The following AGGF1 variants were observed in gnomAD, a reference collection of about 807,000 sequenced individuals.
AGGF1 encodes angiogenic factor with G-patch and FHA domains 1.
AGGF1 carries 56 observed loss-of-function variants against 86.5 expected under a neutral mutation model. The observed-to-expected ratio is 0.65, with a 90% CI of 0.52 to 0.81. AGGF1 has a LOEUF of 0.81. Among genes scored for constraint, AGGF1 ranks in the 30% least tolerant of loss-of-function variants. The pLI is 0.00. For synonymous variants in AGGF1, 313 were observed against 297.1 expected (o/e 1.05, Z -0.55); for missense variants, 816 against 850.9 (o/e 0.96, Z 0.51).
At position 77,046,552 on chromosome 5, in the gene AGGF1, A is replaced by T; in HGVS notation, c.1076A>T (p.Glu359Val). 1 of 1,613,860 alleles carries T rather than the reference A, an allele frequency of 6.2e-7. No individual in the cohort carries two copies. Residue 359 changes from glutamate to valine, a missense_variant, in exon 6 of 14, where the codon GAG (glutamate) becomes GTG (valine). Glu to Val is a moderately radical substitution (Grantham distance 121). Coordinates refer to ENST00000312916, the MANE Select transcript of AGGF1 (RefSeq NM_018046.5). ...NISNSTSFKD[E>V]KIMETDSEPE... Reference sequence around the variant, plus strand: ...TCTAATTCAACATCATTTAAAGATGAGAAAATCATGGAGACTGATAGTGAA... The same window carrying T: ...TCTAATTCAACATCATTTAAAGATGTGAAAATCATGGAGACTGATAGTGAA...
intron 9 of AGGF1, among the ~76,000 whole-genome samples, chr5:77,053,616 A>G (rs1232103235): frequency 1.3e-5 from 2 of 152,094 alleles, no homozygotes; most frequent in Non-Finnish European, 2.9e-5. Flanking sequence ...GAAAAGGGAG[A>G]TGTGATGCAT....
intron 12 of AGGF1, among the ~76,000 whole-genome samples, chr5:77,060,086 C>T (rs1021765635): frequency 1.3e-5 from 2 of 152,184 alleles, no homozygotes; most frequent in African/African-American, 4.8e-5. Flanking sequence ...TCATGATCCG[C>T]CCACCTTGGC....
At position 77,046,970 on chromosome 5, in the gene AGGF1, T is replaced by C. The variant is rs868013147; in HGVS notation, c.1201+293T>C. Among the ~76,000 whole-genome samples the C allele has an allele frequency of 3.3e-5, 5 of 152,338 alleles. No individual in the cohort carries two copies. The South Asian group carries it at 1.0e-3, about 32-fold the overall frequency. ...CTTAAAATATAGATTAAGGCTGTTT[T>C]AGTGGGTTAGATATTTGTAGTCTAC... On this transcript the variant is annotated intron_variant, in intron 6 of 13. Coordinates refer to ENST00000312916, the MANE Select transcript of AGGF1 (RefSeq NM_018046.5).
chr5:77,030,965 C>A lies in AGGF1; in HGVS notation c.199C>A (p.Leu67Ile). ...GAACGCAGAAAGCAACAACCAGGAG[C>A]TCCGCACGCAGGTGCGCGGTCCTCC... ...YQNAESNNQELRTQVEELSKI... is the reference protein window; with the variant it reads ...YQNAESNNQEIRTQVEELSKI... The change falls in exon 1 of 14, where the codon CTC becomes ATC. Residue 67 changes from leucine to isoleucine, a missense_variant. Physicochemically the swap from Leu to Ile is conservative, Grantham distance 5. This residue lies in a region of AGGF1 where 240 missense variants were observed against 234.4 expected (regional missense o/e 1.02). Coordinates refer to ENST00000312916, the MANE Select transcript of AGGF1 (RefSeq NM_018046.5). 1 of 1,612,258 alleles carries A rather than the reference C, an allele frequency of 6.2e-7. No individual in the cohort carries two copies. The highest frequency in any genetic ancestry group is 8.5e-7 in the Non-Finnish European group (1 of 1,179,964).
At chr5:77,032,251 G>GCAAAA (rs777510199) in intron 1 of AGGF1, among the ~76,000 whole-genome samples, 1 of 25,046 alleles carries the variant, frequency 4.0e-5, no homozygotes, top group Non-Finnish European at 1.0e-4. Context: ...TACAAATATG[G>GCAAAA]TAAAAAAAAA....
At chr5:77,056,697 CT>C (rs879312182) in intron 11 of AGGF1, among the ~76,000 whole-genome samples, 96 of 150,914 alleles carry the variant, frequency 6.4e-4, no homozygotes, top group Non-Finnish European at 8.7e-4. Context: ...CTTCTAGAAA[CT>C]TTTTTTTTAA....
chr5:77,044,883 T>C (rs907507018), intron 5 of AGGF1, among the ~76,000 whole-genome samples: 2 of 152,018 alleles, frequency 1.3e-5, no homozygotes, highest in Admixed American at 6.6e-5. Flanking sequence ...GCCAACATGG[T>C]GAAACCCCAT....
chr5:77,056,972 G>C (rs553749843), intron 11 of AGGF1, among the ~76,000 whole-genome samples: 66 of 151,132 alleles, frequency 4.4e-4, no homozygotes, highest in African/African-American at 1.5e-3. Flanking sequence ...CTTCACCAAA[G>C]AAGATATGCT....
chr5:77,035,569 C>T lies in AGGF1; in HGVS notation c.342C>T (p.Asp114=), dbSNP rs892690413. The T allele has an allele frequency of 2.4e-5, 38 of 1,612,956 alleles. No individual in the cohort carries two copies. Among genetic ancestry groups the T allele is most frequent in the Middle Eastern group, 1.7e-4 (1 of 5,984 alleles). ...SDYFYQTYYN[D]VSLPNKVTEL... is the part of the protein sequence containing the mutation. ...ATTTTTATCAGACGTACTACAATGA[C>T]GTTAGTCTTCCAAATAAAGTGACTG... The change falls in exon 3 of 14, where the codon GAC becomes GAT. Residue 114 remains aspartate (D), a synonymous_variant. Coordinates refer to ENST00000312916, the MANE Select transcript of AGGF1 (RefSeq NM_018046.5).
chr5:77,045,362 A>T (rs746395458), intron 5 of AGGF1, among the ~76,000 whole-genome samples: 2 of 152,348 alleles, frequency 1.3e-5, no homozygotes, highest in African/African-American at 2.4e-5. Flanking sequence ...GAGGTAATGT[A>T]CATGTTAATT....
intron 1 of AGGF1, among the ~76,000 whole-genome samples, chr5:77,033,277 C>G (rs1184816433): frequency 6.6e-6 from 1 of 152,170 alleles, no homozygotes; most frequent in Non-Finnish European, 1.5e-5. Flanking sequence ...AGGGTTTGTA[C>G]AAGACCCCAA....
In AGGF1 at chr5:77,030,801, C is replaced by G. The variant is rs368869546; in HGVS notation, c.35C>G (p.Pro12Arg). Reference sequence around the variant, plus strand: ...GAGGCGCCGTCCCCGCCGCGGTCGCCGCCGCCGCCCACCTCCCCCGAGCCT... The same window carrying G: ...GAGGCGCCGTCCCCGCCGCGGTCGCGGCCGCCGCCCACCTCCCCCGAGCCT... ...ASEAPSPPRS[P>R]PPPTSPEPEL... Residue 12 changes from proline to arginine, a missense_variant, in exon 1 of 14, where the codon CCG becomes CGG. Coordinates refer to ENST00000312916, the MANE Select transcript of AGGF1 (RefSeq NM_018046.5). 5.0e-6 allele frequency: 8 copies of G among 1,598,682 alleles called. No homozygotes were observed. Among genetic ancestry groups the G allele is most frequent in the African/African-American group, 1.3e-5 (1 of 74,700 alleles).
At chr5:77,054,745 GTAA>G (rs1424819090) in intron 10 of AGGF1, among the ~76,000 whole-genome samples, 1 of 152,074 alleles carries the variant, frequency 6.6e-6, no homozygotes, top group Non-Finnish European at 1.5e-5. Context: ...TATGACTTAA[GTAA>G]TAATTTAATA....
intron 11 of AGGF1, 76 bp from the exon 12 acceptor site, chr5:77,059,540 T>A: frequency 2.3e-6 from 3 of 1,318,120 alleles, no homozygotes; most frequent in Admixed American, 1.8e-5. Context: ...TCATATTCGT[T>A]AAGTAAGGCA....
intron 10 of AGGF1, among the ~76,000 whole-genome samples, chr5:77,054,744 A>C (rs945857858): frequency 6.6e-6 from 1 of 152,212 alleles, no homozygotes; most frequent in African/African-American, 2.4e-5. Flanking sequence ...TTATGACTTA[A>C]GTAATAATTT....
In AGGF1 at chr5:77,063,905, A is replaced by G. The variant is rs542220559; in HGVS notation, c.*653A>G. 6.5e-5 allele frequency: 10 copies of G among 153,148 alleles called. No individual in the cohort carries two copies. The highest frequency in any genetic ancestry group is 5.9e-4 in the Admixed American group (9 of 15,316). 9.5% of individuals were successfully genotyped at this position (153,148 alleles called of 1,614,324 possible). ...GTTTCATAGCTAATGAGGTATTTAG[A>G]TATGAACAACTGAATACATATTGAA... On this transcript the variant is annotated 3_prime_UTR_variant, in exon 14 of 14. Transcript: ENST00000312916.
At chr5:77,058,727 A>G (rs989348359) in intron 11 of AGGF1, among the ~76,000 whole-genome samples, 1 of 152,172 alleles carries the variant, frequency 6.6e-6, no homozygotes, top group African/African-American at 2.4e-5. Context: ...TGAGTATCAT[A>G]CTTTTTATAT....
chr5:77,039,773 A>T, intron 5 of AGGF1, 54 bp downstream of exon 5: 1 of 1,502,690 alleles, frequency 6.7e-7, no homozygotes, highest in African/African-American at 1.4e-5. Context: ...ATGATAATTA[A>T]GACAAAATTT....
chr5:77,035,563 C>T lies in AGGF1; in HGVS notation c.336C>T (p.Tyr112=). The change falls in exon 3 of 14, where the codon TAC becomes TAT. Residue 112 remains tyrosine (Y), a synonymous_variant. Transcript: ENST00000312916. ...CAGATTATTTTTATCAGACGTACTA[C>T]AATGACGTTAGTCTTCCAAATAAAG... ...SISDYFYQTY[Y]NDVSLPNKVT... 1 of 1,612,752 alleles carries T rather than the reference C, an allele frequency of 6.2e-7. No individual in the cohort carries two copies. The highest frequency in any genetic ancestry group is 1.7e-5 in the Admixed American group (1 of 59,966).
Sources: allele counts gnomAD v4.1 joint callset (sites outside exome capture counted in the v4.1 genomes callset), GRCh38; gene constraint gnomAD v4.1.1; regional missense constraint gnomAD v4.1.1; transcripts MANE v1.5; gene names NCBI Gene and HGNC (gene_info 2026-07-23, HGNC 2026-07-21).